The following CHD1 variants were observed in gnomAD, a reference collection of about 807,000 sequenced individuals.
The protein encoded by CHD1 is chromodomain helicase DNA binding protein 1, also known as ATP-dependent chromatin remodeler CHD1.
Under a neutral mutation model 224.2 loss-of-function variants are expected in CHD1, and 36 were observed. The ratio of observed to expected loss-of-function variants is 0.16; its 90% CI spans 0.12 to 0.21. The LOEUF is 0.21. Among genes scored for constraint, CHD1 ranks in the 10% least tolerant of loss-of-function variants. CHD1 has a pLI of 1.00. For synonymous variants in CHD1, 668 were observed against 658.3 expected, an observed-to-expected ratio of 1.01 and a Z score of -0.23; for missense variants, 1,378 against 1,994.8, an observed-to-expected ratio of 0.69 and a Z score of 5.89.
intron 2 of CHD1, among the ~76,000 whole-genome samples, chr5:98,918,086 CT>C (rs1752858553): frequency 6.8e-6 from 1 of 146,964 alleles, no homozygotes; most frequent in African/African-American, 2.5e-5. Flanking sequence ...GAGATGGAGT[CT>C]CGCTCTGTCG....
chr5:98,928,022 C>T (rs571263575), intron 1 of CHD1, among the ~76,000 whole-genome samples: 127 of 152,266 alleles, frequency 8.3e-4, no homozygotes, highest in African/African-American at 2.9e-3. Context: ...GTTTGGAAAC[C>T]ATCCTCACTC....
chr5:98,898,007 TAAG>T (rs1241386186), intron 10 of CHD1, among the ~76,000 whole-genome samples: 2 of 151,952 alleles, frequency 1.3e-5, no homozygotes, highest in Non-Finnish European at 2.9e-5. Context: ...AGACAACACT[TAAG>T]AAGATACATT....
chr5:98,917,207 T>A (rs1352235833), intron 2 of CHD1, among the ~76,000 whole-genome samples: 1 of 150,194 alleles, frequency 6.7e-6, no homozygotes, highest in Admixed American at 6.7e-5. Context: ...CTAAATGCCT[T>A]ACCACCAAAG....
chr5:98,878,481 A>G (rs1332205804), intron 23 of CHD1, among the ~76,000 whole-genome samples: 5 of 152,256 alleles, frequency 3.3e-5, no homozygotes, highest in Middle Eastern at 3.2e-3. Flanking sequence ...AAGACAAAAA[A>G]TCTTATATCC....
intron 12 of CHD1, 142 bp downstream of exon 12, chr5:98,896,084 G>A (rs777483117): frequency 2.1e-5 from 14 of 652,910 alleles, no homozygotes; most frequent in African/African-American, 5.5e-5. Flanking sequence ...GTGCTCCTGT[G>A]GTCCCAGTTG....
At chr5:98,894,124 CA>C (rs1751198041) in intron 13 of CHD1, among the ~76,000 whole-genome samples, 1 of 152,136 alleles carries the variant, frequency 6.6e-6, no homozygotes, top group Non-Finnish European at 1.5e-5. Flanking sequence ...TTCTTTGAGA[CA>C]TTTTTGAGAC....
Position 98,897,228 on chromosome 5 carries a change from C to G in CHD1, c.1458G>C (p.Leu486=). Residue 486 remains leucine (L), a synonymous_variant, in exon 11 of 36, where the codon CTG becomes CTC. Transcript: ENST00000614616. ...AATGAGCAAGCCAATTTAAACCATT[C>G]AGTTGATAATCTCTTAATTCTAAGC... The part of the protein sequence containing the change: ...HEGLELRDYQ[L]NGLNWLAHSW... 1.9e-6 allele frequency: 3 copies of G among 1,612,414 alleles called. No individual in the cohort carries two copies. Among genetic ancestry groups the G allele is most frequent in the Non-Finnish European group, 2.5e-6 (3 of 1,179,136 alleles).
chr5:98,875,033 C>T, intron 25 of CHD1, 39 bp downstream of exon 25: 2 of 1,041,756 alleles, frequency 1.9e-6, no homozygotes, highest in Non-Finnish European at 2.9e-6. Context: ...CAGCATGTAA[C>T]ACATTCCATT....
At position 98,881,260 on chromosome 5, in the gene CHD1, T is replaced by C. The variant is rs1448893266; in HGVS notation, c.2964+19A>G. The C allele has an allele frequency of 6.7e-6, 9 of 1,341,664 alleles. No individual in the cohort carries two copies. The highest frequency in any genetic ancestry group is 8.9e-6 in the Non-Finnish European group (9 of 1,010,222). 83.1% of individuals were successfully genotyped at this position (1,341,664 alleles called of 1,614,324 possible). On this transcript the variant is annotated intron_variant, in intron 21 of 35. Transcript: ENST00000614616. ...CATATTCTGAGGCAGGCCTTTTTTTTTTTTTTTTTTTTTTTTACCTGGGGC... is the reference window on the plus strand; with the variant it reads ...CATATTCTGAGGCAGGCCTTTTTTTCTTTTTTTTTTTTTTTTACCTGGGGC...
Position 98,860,080 on chromosome 5 carries a change from T to TA in CHD1, c.4428-13dup, listed in dbSNP as rs779333097. The stretch of plus-strand genomic sequence containing the variant: ...AAATCCACAGGTTTCTAGAAGAATT[T>TA]AAAAAAAGGCAAATTAAGTTAGTCT... On this transcript the variant is annotated splice_polypyrimidine_tract_variant and intron_variant, in intron 32 of 35. Transcript: ENST00000614616. 117 of 1,417,874 alleles carry TA rather than the reference T, an allele frequency of 8.3e-5. No individual in the cohort carries two copies. The highest frequency in any genetic ancestry group is 4.0e-4 in the South Asian group (33 of 82,450). 87.8% of individuals were successfully genotyped at this position (1,417,874 alleles called of 1,614,324 possible).
intron 5 of CHD1, 21 bp downstream of exon 5, chr5:98,902,879 C>T: frequency 6.7e-7 from 1 of 1,481,500 alleles, no homozygotes; most frequent in Non-Finnish European, 9.3e-7. Context: ...ATGAAGTAGT[C>T]AGTTGAACAA....
At chr5:98,921,162 T>A (rs1753069594) in intron 2 of CHD1, among the ~76,000 whole-genome samples, 1 of 152,168 alleles carries the variant, frequency 6.6e-6, no homozygotes, top group African/African-American at 2.4e-5. Context: ...CTGTGACAAT[T>A]CAAGTAATGC....
chr5:98,854,911 TAAAAC>T lies in CHD1; in HGVS notation c.*1464_*1468del, dbSNP rs917557301. 6.6e-6 allele frequency: 1 copy of T among 152,046 alleles called. No individual in the cohort carries two copies. The highest frequency in any genetic ancestry group is 1.5e-5 in the Non-Finnish European group (1 of 67,992). The allele number at this position is 152,046 out of a possible 1,614,324, so 9.4% of individuals were successfully genotyped here. On this transcript the variant is annotated 3_prime_UTR_variant, in exon 36 of 36. Transcript: ENST00000614616. ...TGACTTAAAAACTTCCCGCTGAATA[TAAAAC>T]AAAATAAAAATCTGTGAATAAATAT...
At position 98,893,404 on chromosome 5, in the gene CHD1, A is replaced by C; in HGVS notation, c.1991+12T>G. 6.4e-7 allele frequency: 1 copy of C among 1,563,240 alleles called. No individual in the cohort carries two copies. Among genetic ancestry groups the C allele is most frequent in the Non-Finnish European group, 8.7e-7 (1 of 1,152,060 alleles). ...TCCACACAATATGATTAAAATTGTA[A>C]AGTTGTCTTACTTTTCTGGCATAAT... is the stretch of plus-strand genomic sequence containing the variant. On this transcript the variant is annotated intron_variant, in intron 14 of 35. Coordinates refer to ENST00000614616, the MANE Select transcript of CHD1 (RefSeq NM_001270.4).
Position 98,856,624 on chromosome 5 carries a change from T to C in CHD1, c.4889A>G (p.Asp1630Gly). Residue 1630 changes from aspartate to glycine, a missense_variant, in exon 36 of 36, where the codon GAT (aspartate) becomes GGT (glycine). Transcript: ENST00000614616. ...CCGATGATCTGAGTGAGAACGATGATCAGAATGAGATCTATCTTTTAAACT... is the reference window on the plus strand; with the variant it reads ...CCGATGATCTGAGTGAGAACGATGACCAGAATGAGATCTATCTTTTAAACT... ...EGSLKDRSHS[D>G]HRSHSDHRLH... 6.2e-7 allele frequency: 1 copy of C among 1,613,762 alleles called. No individual in the cohort carries two copies. Among genetic ancestry groups the C allele is most frequent in the Non-Finnish European group, 8.5e-7 (1 of 1,179,728 alleles).
In CHD1 at chr5:98,882,177, A is replaced by G. The variant is rs541399224; in HGVS notation, c.2719-54T>C. ...TGCAGTATAAAGGATTTGTTTTGCT[A>G]ACCTCAAGTGCCTAAACACTGGCAC... On this transcript the variant is annotated intron_variant, in intron 19 of 35. Transcript: ENST00000614616. 3.3e-5 allele frequency: 50 copies of G among 1,502,016 alleles called. No homozygotes were observed. In the African/African-American group the frequency reaches 6.3e-4, roughly 19 times the overall value. 93.0% of individuals were successfully genotyped at this position (1,502,016 alleles called of 1,614,324 possible).
At position 98,854,224 on chromosome 5, in the gene CHD1, TAC is replaced by T. The variant is rs771009902; in HGVS notation, c.*2154_*2155del. The T allele has an allele frequency of 7.9e-5, 12 of 152,072 alleles. No homozygotes were observed. Among genetic ancestry groups the T allele is most frequent in the East Asian group, 1.9e-4 (1 of 5,202 alleles). 9.4% of individuals were successfully genotyped at this position (152,072 alleles called of 1,614,324 possible). A position where few individuals can be genotyped will look rare whatever the true frequency, so the allele number is the denominator to read the frequency against. ...TATTTTATCATTTGATAAATGTACA[TAC>T]AGTTCTATATTTTTCATTCAACTCA... On this transcript the variant is annotated 3_prime_UTR_variant, in exon 36 of 36. Transcript: ENST00000614616.
chr5:98,898,111 G>T, intron 10 of CHD1, 145 bp downstream of exon 10: 1 of 397,074 alleles, frequency 2.5e-6, no homozygotes, highest in Non-Finnish European at 4.3e-6. Context: ...AATTGCAGAA[G>T]TTCACTTCCT....
intron 9 of CHD1, 101 bp from the exon 10 acceptor site, chr5:98,898,535 A>C (rs1580461790): frequency 9.6e-6 from 12 of 1,253,650 alleles, no homozygotes; most frequent in Non-Finnish European, 1.2e-5. Context: ...AAATTTAGCT[A>C]TCTAGTTTAC....
Sources: allele counts gnomAD v4.1 joint callset (sites outside exome capture counted in the v4.1 genomes callset), GRCh38; gene constraint gnomAD v4.1.1; transcripts MANE v1.5; gene names NCBI Gene and HGNC (gene_info 2026-07-23, HGNC 2026-07-21).